WWOX: variants seen among roughly 807,000 people sequenced by gnomAD.
WWOX encodes the protein WW domain containing oxidoreductase, also known as WW domain-containing oxidoreductase.
A neutral mutation model predicts 46.2 loss-of-function variants in WWOX; 69 were observed. The ratio of observed to expected loss-of-function variants is 1.49; its 90% CI spans 1.23 to 1.82. WWOX has a LOEUF of 1.82. WWOX is among the 40% of genes most tolerant of loss of function. The pLI, the probability that WWOX is intolerant of heterozygous loss-of-function variation, is 0.00. For missense variants in WWOX, 919 were observed against 542.6 expected (o/e 1.69, Z -6.89); for synonymous variants, 359 against 202.6 (o/e 1.77, Z -6.56).
intron 8 of WWOX, among the ~76,000 whole-genome samples, chr16:78,984,937 G>C (rs949525989): frequency 4.1e-4 from 63 of 152,026 alleles, no homozygotes; most frequent in African/African-American, 1.5e-3. Flanking sequence ...GTTGAAGTCT[G>C]ATTTCATTTG....
chr16:78,390,582 A>C (rs1368621091), intron 6 of WWOX, among the ~76,000 whole-genome samples: 1 of 152,220 alleles, frequency 6.6e-6, no homozygotes, highest in African/African-American at 2.4e-5. Flanking sequence ...GAAAATATGC[A>C]TAAAAAAGCG....
intron 5 of WWOX, among the ~76,000 whole-genome samples, chr16:78,257,462 G>A (rs887904064): frequency 1.1e-4 from 16 of 152,268 alleles, no homozygotes; most frequent in African/African-American, 3.1e-4. Context: ...GGATGGAGCT[G>A]GGGATTGAGT....
chr16:79,154,382 G>A (rs8050423), intron 8 of WWOX, among the ~76,000 whole-genome samples: 13,991 of 151,530 alleles, frequency 0.092, 1,211 homozygotes, highest in African/African-American at 0.23. Flanking sequence ...TCTGATTCCT[G>A]TCTCCTCTTC....
chr16:78,108,600 G>A (rs1273818235), intron 2 of WWOX, 113 bp downstream of exon 2: 31 of 1,159,206 alleles, frequency 2.7e-5, no homozygotes, highest in Non-Finnish European at 3.9e-5. Flanking sequence ...CTCTGGTAGA[G>A]AACCAGACTC....
intron 8 of WWOX, among the ~76,000 whole-genome samples, chr16:79,119,885 GGA>G (rs1442136864): frequency 6.6e-6 from 1 of 152,222 alleles, no homozygotes; most frequent in Non-Finnish European, 1.5e-5. Context: ...TACCTACAAA[GGA>G]GAGAGTTTAG....
chr16:78,611,070 A>C (rs2045889370), intron 8 of WWOX, among the ~76,000 whole-genome samples: 2 of 152,232 alleles, frequency 1.3e-5, no homozygotes, highest in South Asian at 4.1e-4. Context: ...TGAGTTTAAC[A>C]AGTAAATGTA....
intron 8 of WWOX, among the ~76,000 whole-genome samples, chr16:78,719,841 C>T (rs996329448): frequency 1.1e-4 from 17 of 152,036 alleles, no homozygotes; most frequent in African/African-American, 2.2e-4. Context: ...AAATACATGA[C>T]GGGAAAGAAA....
intron 5 of WWOX, among the ~76,000 whole-genome samples, chr16:78,296,232 T>G (rs2079941671): frequency 6.6e-6 from 1 of 151,632 alleles, no homozygotes; most frequent in Non-Finnish European, 1.5e-5. Context: ...TTTGGTGCTT[T>G]CTATATAAAT....
At chr16:78,430,964 C>T (rs2083203813) in intron 7 of WWOX, among the ~76,000 whole-genome samples, 1 of 152,068 alleles carries the variant, frequency 6.6e-6, no homozygotes, top group South Asian at 2.1e-4. Flanking sequence ...TTTTTGTTTT[C>T]CATAGCAGTT....
intron 5 of WWOX, among the ~76,000 whole-genome samples, chr16:78,259,936 T>C (rs149551188): frequency 3.3e-4 from 50 of 151,452 alleles, no homozygotes; most frequent in African/African-American, 1.2e-3. Flanking sequence ...TATGATGATC[T>C]AAACTGCATA....
intron 8 of WWOX, among the ~76,000 whole-genome samples, chr16:79,087,848 A>G (rs2048881763): frequency 6.6e-6 from 1 of 152,226 alleles, no homozygotes; most frequent in African/African-American, 2.4e-5. Context: ...CAAGGGGACC[A>G]GGAAATGCTG....
At chr16:78,929,416 A>G (rs1007290918) in intron 8 of WWOX, among the ~76,000 whole-genome samples, 4 of 152,172 alleles carry the variant, frequency 2.6e-5, no homozygotes, top group African/African-American at 4.8e-5. Context: ...ATTACTAAAG[A>G]ATAGGAAAGA....
At chr16:78,808,046 C>A (rs143177412) in intron 8 of WWOX, among the ~76,000 whole-genome samples, 1 of 152,204 alleles carries the variant, frequency 6.6e-6, no homozygotes, top group African/African-American at 2.4e-5. Flanking sequence ...TCTTTCCCCA[C>A]AGACATTTGT....
chr16:79,108,457 G>T (rs965631679), intron 8 of WWOX, among the ~76,000 whole-genome samples: 1 of 152,230 alleles, frequency 6.6e-6, no homozygotes, highest in Non-Finnish European at 1.5e-5. Flanking sequence ...GGGAGCGAAA[G>T]ATTGCAAGGT....
chr16:78,978,946 C>G (rs1024750515), intron 8 of WWOX, among the ~76,000 whole-genome samples: 10 of 152,030 alleles, frequency 6.6e-5, no homozygotes, highest in African/African-American at 1.9e-4. Flanking sequence ...ATTTTGATGT[C>G]CCTCCCCACT....
intron 8 of WWOX, among the ~76,000 whole-genome samples, chr16:78,509,924 T>TAAA (rs59162697): frequency 4.2e-5 from 6 of 142,614 alleles, no homozygotes; most frequent in African/African-American, 5.3e-5. Context: ...CTCATCTCTT[T>TAAA]AAAAAAAAAA....
chr16:78,747,190 A>AT (rs67902043), intron 8 of WWOX, among the ~76,000 whole-genome samples: 2,612 of 129,198 alleles, frequency 0.02, 45 homozygotes, highest in South Asian at 0.048. Context: ...TTTCTTGCCC[A>AT]TTTTTTTTTT....
intron 5 of WWOX, among the ~76,000 whole-genome samples, chr16:78,221,767 C>A (rs994175131): frequency 7.9e-5 from 12 of 152,052 alleles, no homozygotes; most frequent in African/African-American, 2.9e-4. Flanking sequence ...ATGTGTAATC[C>A]CGTATTTGGA....
chr16:78,173,166 A>G (rs1012347080), intron 5 of WWOX, among the ~76,000 whole-genome samples: 2 of 152,232 alleles, frequency 1.3e-5, no homozygotes, highest in Non-Finnish European at 2.9e-5. Flanking sequence ...TAATTTTTAC[A>G]TATGCAGACG....
Sources: allele counts gnomAD v4.1 joint callset (sites outside exome capture counted in the v4.1 genomes callset), GRCh38; gene constraint gnomAD v4.1.1; transcripts MANE v1.5; gene names NCBI Gene and HGNC (gene_info 2026-07-23, HGNC 2026-07-21).